The following SLC22A23 variants were observed in gnomAD, a reference collection of about 807,000 sequenced individuals.
SLC22A23 encodes the protein solute carrier family 22 member 23.
A neutral mutation model predicts 61.0 loss-of-function variants in SLC22A23; 26 were observed. That is an observed-to-expected ratio of 0.43 (90% CI 0.31 to 0.59). The LOEUF is 0.59. SLC22A23 is among the 20% of genes least tolerant of loss of function. The probability of loss-of-function intolerance (pLI) is 0.11; values close to 1 mark genes in which losing one functional copy is unlikely to be tolerated. For missense variants in SLC22A23, 796 were observed against 934.7 expected (o/e 0.85, Z 1.94); for synonymous variants, 430 against 413.9 (o/e 1.04, Z -0.47).
At chr6:3,424,886 A>G (rs1341802766) in intron 1 of SLC22A23, among the ~76,000 whole-genome samples, 1 of 152,012 alleles carries the variant, frequency 6.6e-6, no homozygotes, top group East Asian at 1.9e-4. Flanking sequence ...AATTTTGCTG[A>G]CTCCTGCACT....
chr6:3,307,008 T>C (rs1186274271), intron 4 of SLC22A23, among the ~76,000 whole-genome samples: 2 of 152,228 alleles, frequency 1.3e-5, no homozygotes, highest in African/African-American at 2.4e-5. Flanking sequence ...GATACAGCAA[T>C]GGAGGGGCAC....
chr6:3,319,019 T>G (rs965306396), intron 4 of SLC22A23, among the ~76,000 whole-genome samples: 1 of 152,248 alleles, frequency 6.6e-6, no homozygotes, highest in African/African-American at 2.4e-5. Flanking sequence ...CAGCCCAGTG[T>G]GTGCGCTGCC....
In SLC22A23 at chr6:3,317,572, G is replaced by A. The variant is rs1345053606; in HGVS notation, c.1082+6262C>T. Among the ~76,000 whole-genome samples, 1 of 152,198 alleles carries A rather than the reference G, an allele frequency of 6.6e-6. No homozygotes were observed. The highest frequency in any genetic ancestry group is 1.9e-4 in the East Asian group (1 of 5,206). ...GGATTTCATGTTTCTTCTGGAAGAA[G>A]GATCAGTCGGTATGACTTCCTTCTA... On this transcript the variant is annotated intron_variant, in intron 4 of 9. Transcript: ENST00000406686. The surrounding 1 kb of genome is among the most constrained non-coding windows in gnomAD (Gnocchi z 4.4).
intron 3 of SLC22A23, among the ~76,000 whole-genome samples, chr6:3,393,501 T>C (rs1219555075): frequency 6.6e-6 from 1 of 152,222 alleles, no homozygotes; most frequent in Non-Finnish European, 1.5e-5. Context: ...ACATTTGCCT[T>C]GATGCTGCAG....
At chr6:3,283,698 G>A (rs902384226) in intron 9 of SLC22A23, 154 bp downstream of exon 9, 69 of 1,396,558 alleles carry the variant, frequency 4.9e-5, no homozygotes, top group Non-Finnish European at 6.6e-5. Context: ...TCGGGGTTGG[G>A]TCCAACAGCC....
intron 3 of SLC22A23, among the ~76,000 whole-genome samples, chr6:3,337,090 G>A (rs1763900921): frequency 1.3e-5 from 2 of 152,188 alleles, no homozygotes; most frequent in Non-Finnish European, 2.9e-5. Flanking sequence ...TTACAGGTGT[G>A]AGCCACCACT....
rs549002916 is a variant in SLC22A23 at position 3,342,704 on chromosome 6, C to T, written c.914-18702G>A. ...TTTCTCATCTGCCTGAAACTGCCAT[C>T]GTACAAATAACACCTTCACATTAGT... is the stretch of plus-strand genomic sequence containing the variant. On this transcript the variant is annotated intron_variant, in intron 3 of 9. Transcript: ENST00000406686. The surrounding 1 kb of genome is among the most constrained non-coding windows in gnomAD (Gnocchi z 4.0). 1.3e-4 allele frequency among the ~76,000 whole-genome samples: 20 copies of T among 152,290 alleles called. No homozygotes were observed. Among genetic ancestry groups the T allele is most frequent in the Admixed American group, 3.9e-4 (6 of 15,298 alleles).
intron 3 of SLC22A23, among the ~76,000 whole-genome samples, chr6:3,357,056 C>CAAAAAA (rs66509026): frequency 1.2e-5 from 1 of 86,060 alleles, no homozygotes; most frequent in African/African-American, 4.5e-5. Context: ...AAAACAGAGC[C>CAAAAAA]AAAAAAAAAA....
intron 3 of SLC22A23, among the ~76,000 whole-genome samples, chr6:3,335,705 T>C (rs563301910): frequency 3.9e-5 from 6 of 152,294 alleles, no homozygotes; most frequent in African/African-American, 1.2e-4. Context: ...TCCAGTTCTA[T>C]AGATTGGTGC....
At chr6:3,334,124 T>C (rs1763721522) in intron 3 of SLC22A23, among the ~76,000 whole-genome samples, 1 of 152,248 alleles carries the variant, frequency 6.6e-6, no homozygotes, top group East Asian at 1.9e-4. Context: ...TAACACCTAT[T>C]GGCCTACTGG....
intron 1 of SLC22A23, among the ~76,000 whole-genome samples, chr6:3,445,866 AGGGCACCCTTGATG>A (rs1217054199): frequency 2.6e-5 from 4 of 152,078 alleles, no homozygotes; most frequent in Non-Finnish European, 4.4e-5. Flanking sequence ...CTCAGGGCTG[AGGGCACCCTTGATG>A]GGTGCTGCAG....
At chr6:3,362,412 AAAAATAAAATAAAAAATAAAAAAT>A (rs1765524602) in intron 3 of SLC22A23, among the ~76,000 whole-genome samples, 1 of 99,472 alleles carries the variant, frequency 1.0e-5, no homozygotes, top group South Asian at 3.9e-4. Context: ...CACAAAAAAA[AAAAATAAAATAAAAAATAAAAAAT>A]AAAAATTAGC....
In SLC22A23 at chr6:3,309,104, A is replaced by C. The variant is rs1366126872; in HGVS notation, c.1083-10886T>G. Among the ~76,000 whole-genome samples, 4 of 151,486 alleles carry C rather than the reference A, an allele frequency of 2.6e-5. No individual in the cohort carries two copies. The East Asian group carries it at 5.9e-4, about 22-fold the overall frequency. ...CATTTGAGGTCAGGAGTTTGAGACC[A>C]GCCTGTCCAACATGGTGAAACCCCC... On this transcript the variant is annotated intron_variant, in intron 4 of 9. Coordinates refer to ENST00000406686, the MANE Select transcript of SLC22A23 (RefSeq NM_015482.2). This position sits in a 1 kb window ranked among gnomAD's most constrained non-coding sequence, Gnocchi z 4.7.
chr6:3,310,026 C>A (rs545549900), intron 4 of SLC22A23, among the ~76,000 whole-genome samples: 1 of 152,348 alleles, frequency 6.6e-6, no homozygotes, highest in African/African-American at 2.4e-5. Flanking sequence ...GAGTCCCACC[C>A]AAATTAGCTA....
Position 3,375,692 on chromosome 6 carries a change from A to G in SLC22A23, c.913+34496T>C, listed in dbSNP as rs546268431. On this transcript the variant is annotated intron_variant, in intron 3 of 9. Transcript: ENST00000406686. The stretch of plus-strand genomic sequence containing the variant: ...TGAATATATAAGGTGGGTATTAAAT[A>G]TGACAGGATAAGCACTTCTGCAATT... 3.9e-5 allele frequency among the ~76,000 whole-genome samples: 6 copies of G among 152,380 alleles called. No homozygotes were observed. The South Asian group carries it at 1.2e-3, about 32-fold the overall frequency.
chr6:3,403,177 T>G (rs201585121), intron 3 of SLC22A23, among the ~76,000 whole-genome samples: 10 of 498 alleles, frequency 0.02, no homozygotes, highest in African/African-American at 0.13. Context: ...AATGTTTTGC[T>G]TTTTTTTTTT....
intron 5 of SLC22A23, among the ~76,000 whole-genome samples, chr6:3,296,344 C>G (rs919237237): frequency 2.0e-5 from 3 of 152,246 alleles, no homozygotes; most frequent in African/African-American, 7.2e-5. Flanking sequence ...TGCACCCCTG[C>G]TGGACAAGTC....
chr6:3,380,894 G>A (rs982191615), intron 3 of SLC22A23, among the ~76,000 whole-genome samples: 5 of 152,108 alleles, frequency 3.3e-5, no homozygotes, highest in African/African-American at 9.7e-5. Context: ...CATCCAGGAG[G>A]CCTAGCAGGT....
chr6:3,451,376 T>C (rs1772149104), intron 1 of SLC22A23, among the ~76,000 whole-genome samples: 1 of 152,142 alleles, frequency 6.6e-6, no homozygotes, highest in African/African-American at 2.4e-5. Flanking sequence ...TTTCTATTTT[T>C]AGTAGAGATG....
Sources: allele counts gnomAD v4.1 joint callset (sites outside exome capture counted in the v4.1 genomes callset), GRCh38; gene constraint gnomAD v4.1.1; non-coding constraint Gnocchi (gnomAD v3.1); transcripts MANE v1.5; gene names NCBI Gene and HGNC (gene_info 2026-07-23, HGNC 2026-07-21).